The following FKTN variants were observed in gnomAD, a reference collection of about 807,000 sequenced individuals.
FKTN encodes the protein ribitol-5-phosphate transferase FKTN.
FKTN carries 47 observed loss-of-function variants against 58.6 expected under a neutral mutation model. That is an observed-to-expected ratio of 0.80 (90% confidence interval 0.63 to 1.02). FKTN has a LOEUF of 1.02. Ranked by LOEUF, FKTN falls within the 50% of genes least tolerant of loss-of-function variation. FKTN has a pLI of 0.00. For synonymous variants in FKTN, 178 were observed against 191.9 expected, an observed-to-expected ratio of 0.93 and a Z score of 0.60; for missense variants, 516 against 537.3, an observed-to-expected ratio of 0.96 and a Z score of 0.39.
chr9:105,636,583 C>T lies in FKTN; in HGVS notation c.*1319C>T. 9.3e-7 allele frequency: 1 copy of T among 1,077,128 alleles called. No homozygotes were observed. Among genetic ancestry groups the T allele is most frequent in the Non-Finnish European group, 1.2e-6 (1 of 868,036 alleles). 66.7% of individuals were successfully genotyped at this position (1,077,128 alleles called of 1,614,324 possible). Reference sequence around the variant, plus strand: ...AGCTAGGATGCTGTTTACCCCATCTCTCTCTTATATCACTTGAATGATATA... The same window carrying T: ...AGCTAGGATGCTGTTTACCCCATCTTTCTCTTATATCACTTGAATGATATA... On this transcript the variant is annotated 3_prime_UTR_variant, in exon 11 of 11. Transcript: ENST00000357998.
At chr9:105,563,032 C>T (rs1838593088) in intron 1 of FKTN, among the ~76,000 whole-genome samples, 1 of 152,196 alleles carries the variant, frequency 6.6e-6, no homozygotes, top group Non-Finnish European at 1.5e-5. Flanking sequence ...AAACAGACCC[C>T]TACCTAGGTG....
chr9:105,580,801 C>T (rs1335350614), intron 3 of FKTN, among the ~76,000 whole-genome samples: 1 of 35,532 alleles, frequency 2.8e-5, no homozygotes, highest in African/African-American at 1.5e-4. Flanking sequence ...CTTTCAGGTA[C>T]ACCAATCAGA....
chr9:105,592,691 G>T (rs1002251103), intron 3 of FKTN, among the ~76,000 whole-genome samples: 1 of 152,088 alleles, frequency 6.6e-6, no homozygotes, highest in Non-Finnish European at 1.5e-5. Flanking sequence ...TATCACTCTC[G>T]AGTTCAGAGT....
intron 3 of FKTN, among the ~76,000 whole-genome samples, chr9:105,579,758 C>T (rs1202385769): frequency 6.9e-6 from 1 of 145,888 alleles, no homozygotes; most frequent in Non-Finnish European, 1.5e-5. Flanking sequence ...CTAATGTTGA[C>T]AGTGGGGTGT....
intron 1 of FKTN, among the ~76,000 whole-genome samples, chr9:105,570,808 G>A (rs1840607039): frequency 6.6e-6 from 1 of 152,110 alleles, no homozygotes; most frequent in African/African-American, 2.4e-5. Flanking sequence ...GAATATTGAA[G>A]ACTTCCTTGA....
At chr9:105,620,304 A>C (rs1380081631) in intron 10 of FKTN, among the ~76,000 whole-genome samples, 1 of 152,184 alleles carries the variant, frequency 6.6e-6, no homozygotes, top group Non-Finnish European at 1.5e-5. Context: ...CAGCTGGTCT[A>C]TTCTCAGTTC....
chr9:105,584,285 G>A (rs1401049630), intron 3 of FKTN, among the ~76,000 whole-genome samples: 1 of 152,010 alleles, frequency 6.6e-6, no homozygotes. Context: ...ATGAAAAATA[G>A]TATTTGTTGT....
intron 3 of FKTN, among the ~76,000 whole-genome samples, chr9:105,588,211 A>G (rs1479208078): frequency 6.6e-6 from 1 of 152,186 alleles, no homozygotes; most frequent in Non-Finnish European, 1.5e-5. Flanking sequence ...TTGATAATAT[A>G]TCTTTATTTG....
At chr9:105,622,365 A>G (rs1244167761) in intron 10 of FKTN, among the ~76,000 whole-genome samples, 1 of 152,040 alleles carries the variant, frequency 6.6e-6, no homozygotes, top group African/African-American at 2.4e-5. Flanking sequence ...AAGAAGGAAG[A>G]AAAAAGATTT....
chr9:105,639,355 C>A lies in FKTN; in HGVS notation c.*4091C>A. On this transcript the variant is annotated 3_prime_UTR_variant, in exon 11 of 11. Transcript: ENST00000357998. ...AAAGACCACAAGCTTTTGAGTTAGG[C>A]CTGAATTTGAATTTCAGCTTAATCA... 1.1e-6 allele frequency: 1 copy of A among 910,642 alleles called. No homozygotes were observed. The highest frequency in any genetic ancestry group is 1.3e-6 in the Non-Finnish European group (1 of 761,658). The allele number at this position is 910,642 out of a possible 1,614,324, so 56.4% of individuals were successfully genotyped here. A position where few individuals can be genotyped will look rare whatever the true frequency, so the allele number is the denominator to read the frequency against.
intron 1 of FKTN, among the ~76,000 whole-genome samples, chr9:105,563,598 T>TG (rs145267923): frequency 0.1 from 13,857 of 139,200 alleles, 901 homozygotes; most frequent in African/African-American, 0.19. Flanking sequence ...GCAGCGAGGC[T>TG]GGGGGGGGGG....
Position 105,604,454 on chromosome 9 carries a change from A to G in FKTN, c.609A>G (p.Arg203=), listed in dbSNP as rs202230761. 1 of 1,614,156 alleles carries G rather than the reference A, an allele frequency of 6.2e-7. No homozygotes were observed. The highest frequency in any genetic ancestry group is 1.1e-5 in the South Asian group (1 of 91,084). The part of the protein sequence containing the change: ...EHIDRKFVPF[R]KLQFGRYPGA... ...TTGACAGGAAATTTGTTCCCTTCCG[A>G]AAGTTACAGTTTGGTCGTTATCCAG... The change falls in exon 6 of 11, where the codon CGA becomes CGG. Residue 203 remains arginine (R), a synonymous_variant. Coordinates refer to ENST00000357998, the MANE Select transcript of FKTN (RefSeq NM_001079802.2).
At chr9:105,587,280 A>G (rs937043947) in intron 3 of FKTN, among the ~76,000 whole-genome samples, 14 of 152,160 alleles carry the variant, frequency 9.2e-5, no homozygotes, top group African/African-American at 3.1e-4. Flanking sequence ...TCTATTTAGT[A>G]GCCTATGTAT....
intron 10 of FKTN, among the ~76,000 whole-genome samples, chr9:105,625,986 G>A (rs1007553691): frequency 6.6e-6 from 1 of 152,024 alleles, no homozygotes; most frequent in East Asian, 1.9e-4. Context: ...TAAACTAGAT[G>A]GTATGTTGCT....
chr9:105,559,754 A>G (rs1224036354), intron 1 of FKTN, among the ~76,000 whole-genome samples: 1 of 152,196 alleles, frequency 6.6e-6, no homozygotes, highest in Non-Finnish European at 1.5e-5. Flanking sequence ...AGTTGAAAAT[A>G]TAGGCAGATA....
At chr9:105,620,149 A>G in intron 10 of FKTN, 88 bp downstream of exon 10, 2 of 1,176,614 alleles carry the variant, frequency 1.7e-6, no homozygotes, top group Non-Finnish European at 2.5e-6. Context: ...AAAGAAAACC[A>G]AAAATCTCTT....
intron 1 of FKTN, among the ~76,000 whole-genome samples, chr9:105,564,776 C>G (rs1048845496): frequency 6.6e-6 from 1 of 152,136 alleles, no homozygotes; most frequent in Non-Finnish European, 1.5e-5. Flanking sequence ...GGCCAACATT[C>G]AAATTCAGGA....
At chr9:105,579,613 G>C (rs1254645957) in intron 3 of FKTN, among the ~76,000 whole-genome samples, 1 of 149,250 alleles carries the variant, frequency 6.7e-6, no homozygotes, top group Admixed American at 6.7e-5. Flanking sequence ...GAATAGGTGT[G>C]GTGTGGTGCT....
At chr9:105,607,757 C>T (rs1487401801) in intron 6 of FKTN, 62 bp from the exon 7 acceptor site, 4 of 1,477,610 alleles carry the variant, frequency 2.7e-6, no homozygotes, top group Non-Finnish European at 9.5e-7. Flanking sequence ...GGTATTTGTC[C>T]TAATGTTCTC....
Sources: allele counts gnomAD v4.1 joint callset (sites outside exome capture counted in the v4.1 genomes callset), GRCh38; gene constraint gnomAD v4.1.1; transcripts MANE v1.5; gene names NCBI Gene and HGNC (gene_info 2026-07-23, HGNC 2026-07-21).